ANKRD16: variants seen among roughly 807,000 people sequenced by gnomAD.
The protein encoded by ANKRD16 is ankyrin repeat domain 16.
ANKRD16 carries 35 observed loss-of-function variants against 37.9 expected under a neutral mutation model. The ratio of observed to expected loss-of-function variants is 0.92; its 90% CI spans 0.71 to 1.23. The LOEUF (loss-of-function observed/expected upper bound fraction) is 1.23. Ranked by LOEUF, ANKRD16 falls within the 50% of genes most tolerant of loss-of-function variation. The pLI, the probability that ANKRD16 is intolerant of heterozygous loss-of-function variation, is 0.00. For missense variants in ANKRD16, 480 were observed against 469.9 expected (o/e 1.02, Z -0.20); for synonymous variants, 206 against 197.2 (o/e 1.04, Z -0.37).
chr10:5,880,173 A>G, intron 6 of ANKRD16, 125 bp downstream of exon 6: 1 of 351,988 alleles, frequency 2.8e-6, no homozygotes, highest in South Asian at 4.2e-5. Context: ...CACCACCACC[A>G]CTAAAAAAAA....
Position 5,887,848 on chromosome 10 carries a change from T to C in ANKRD16, c.534A>G (p.Ala178=), listed in dbSNP as rs1228039383. ...SKIRRTPLHT[A]AMHGHLEAVK... Reference sequence around the variant, plus strand: ...CACCTGCAGAGCTGTAGGCTGTACCTGCAGTATGCAGAGGAGTCCTTCTAA... The same window carrying C: ...CACCTGCAGAGCTGTAGGCTGTACCCGCAGTATGCAGAGGAGTCCTTCTAA... The change falls in exon 2 of 8, where the codon GCA becomes GCG. Residue 178 remains alanine (A), a splice_region_variant and synonymous_variant. Coordinates refer to ENST00000380094, the MANE Select transcript of ANKRD16 (RefSeq NM_019046.3). The C allele has an allele frequency of 1.2e-6, 2 of 1,612,608 alleles. No individual in the cohort carries two copies. Among genetic ancestry groups the C allele is most frequent in the Non-Finnish European group, 1.7e-6 (2 of 1,179,664 alleles).
intron 6 of ANKRD16, 31 bp downstream of exon 6, chr10:5,880,267 T>C (rs1244679950): frequency 4.7e-6 from 6 of 1,275,260 alleles, no homozygotes; most frequent in Non-Finnish European, 6.6e-6. Flanking sequence ...AGTTTACTAA[T>C]TTCCAAGGCA....
chr10:5,885,250 G>A (rs2131778809), intron 3 of ANKRD16, among the ~76,000 whole-genome samples: 2 of 151,916 alleles, frequency 1.3e-5, no homozygotes, highest in African/African-American at 2.4e-5. Context: ...GCGCGATCTC[G>A]GCTCACTGCA....
rs1841982537 is a variant in ANKRD16, at chr10:5,864,205, C to A, written c.*34-1514G>T. On this transcript the variant is annotated intron_variant, in intron 7 of 7. Coordinates refer to ENST00000380094, the MANE Select transcript of ANKRD16 (RefSeq NM_019046.3). This position sits in a 1 kb window ranked among gnomAD's most constrained non-coding sequence, Gnocchi z 4.4. ...ACTATGCAAAGCTTACAACTTACAT[C>A]CCACAGGAGGACTTCTCAGCTTACC... Among the ~76,000 whole-genome samples, 1 of 152,090 alleles carries A rather than the reference C, an allele frequency of 6.6e-6. No individual in the cohort carries two copies. The highest frequency in any genetic ancestry group is 2.1e-4 in the South Asian group (1 of 4,826).
chr10:5,866,896 A>G lies in ANKRD16; in HGVS notation c.*34-4205T>C, dbSNP rs1320775918. Among the ~76,000 whole-genome samples the G allele has an allele frequency of 6.6e-6, 1 of 152,150 alleles. No homozygotes were observed. The highest frequency in any genetic ancestry group is 1.5e-5 in the Non-Finnish European group (1 of 68,006). ...GAAGGAGAGAGAGGAAGAGACAGAC[A>G]AAGAAGAGTCAGAGAGAGAGAAACA... is the stretch of plus-strand genomic sequence containing the variant. On this transcript the variant is annotated intron_variant, in intron 7 of 7. Coordinates refer to ENST00000380094, the MANE Select transcript of ANKRD16 (RefSeq NM_019046.3). The surrounding 1 kb of genome is among the most constrained non-coding windows in gnomAD (Gnocchi z 4.3).
At position 5,889,342 on chromosome 10, in the gene ANKRD16, C is replaced by G; in HGVS notation, c.13G>C (p.Gly5Arg). The G allele has an allele frequency of 1.6e-6, 2 of 1,238,596 alleles. No individual in the cohort carries two copies. The highest frequency in any genetic ancestry group is 2.0e-6 in the Non-Finnish European group (2 of 993,902). The allele number at this position is 1,238,596 out of a possible 1,614,324, so 76.7% of individuals were successfully genotyped here. MAQPGDPRRLCRLVQ... is the reference protein window; with the variant it reads MAQPRDPRRLCRLVQ... Reference sequence around the variant, plus strand: ...AGCCTGCAGAGGCGCCGCGGGTCCCCGGGCTGGGCCATCGCCGCGGGTCGG... The same window carrying G: ...AGCCTGCAGAGGCGCCGCGGGTCCCGGGGCTGGGCCATCGCCGCGGGTCGG... The change falls in exon 1 of 8, where the codon GGG (glycine) becomes CGG (arginine). Residue 5 changes from glycine (G) to arginine (R), a missense_variant. Transcript: ENST00000380094.
intron 7 of ANKRD16, among the ~76,000 whole-genome samples, chr10:5,876,175 C>T (rs1015301668): frequency 3.3e-5 from 5 of 152,330 alleles, no homozygotes; most frequent in East Asian, 1.9e-4. Flanking sequence ...TGAGCCACCG[C>T]GCCCAGCCCA....
intron 7 of ANKRD16, among the ~76,000 whole-genome samples, chr10:5,867,873 C>T (rs941361170): frequency 1.3e-5 from 2 of 152,168 alleles, no homozygotes; most frequent in East Asian, 1.9e-4. Context: ...TTGGCAGCAG[C>T]GACTCTCCAA....
chr10:5,883,654 G>A (rs889788152), intron 4 of ANKRD16, among the ~76,000 whole-genome samples: 6 of 152,228 alleles, frequency 3.9e-5, no homozygotes, highest in Non-Finnish European at 5.9e-5. Flanking sequence ...AGGCTATGGT[G>A]CCAAAAGCAC....
intron 3 of ANKRD16, 110 bp from the exon 4 acceptor site, chr10:5,884,187 G>A: frequency 1.3e-6 from 1 of 762,146 alleles, no homozygotes; most frequent in Admixed American, 2.2e-5. Context: ...AATGACCTGT[G>A]AGCATGGAGC....
intron 5 of ANKRD16, among the ~76,000 whole-genome samples, chr10:5,881,441 T>TAAAAA (rs1459236408): frequency 1.4e-3 from 30 of 21,282 alleles, no homozygotes; most frequent in African/African-American, 4.6e-3. Context: ...ATATTATTTA[T>TAAAAA]ATATATATAT....
At chr10:5,888,917 G>T in intron 1 of ANKRD16, 124 bp downstream of exon 1, 1 of 1,114,726 alleles carries the variant, frequency 9.0e-7, no homozygotes, top group Non-Finnish European at 1.2e-6. Context: ...CCGCTGAGCA[G>T]GCCTGGGGTG....
intron 3 of ANKRD16, among the ~76,000 whole-genome samples, chr10:5,885,350 T>C (rs1489858375): frequency 6.6e-6 from 1 of 152,122 alleles, no homozygotes; most frequent in Non-Finnish European, 1.5e-5. Context: ...CCGGCTAATT[T>C]TTTTTGAATT....
chr10:5,887,205 C>T (rs746710996), intron 2 of ANKRD16, among the ~76,000 whole-genome samples: 17 of 152,194 alleles, frequency 1.1e-4, no homozygotes, highest in Non-Finnish European at 2.1e-4. Flanking sequence ...AAGAGAGAGA[C>T]TAATTTCCTT....
Position 5,889,884 on chromosome 10 carries a change from G to A in ANKRD16, c.-530C>T, listed in dbSNP as rs1031959319. 6 of 161,724 alleles carry A rather than the reference G, an allele frequency of 3.7e-5. No individual in the cohort carries two copies. The highest frequency in any genetic ancestry group is 9.5e-5 in the African/African-American group (4 of 41,996). The allele number at this position is 161,724 out of a possible 1,614,324, so 10.0% of individuals were successfully genotyped here. A position where few individuals can be genotyped will look rare whatever the true frequency, so the allele number is the denominator to read the frequency against. On this transcript the variant is annotated 5_prime_UTR_variant, in exon 1 of 8. Transcript: ENST00000380094. ...GTGACCTGCCCCGCACGCGTCCTCA[G>A]GGCCGCCCCAGCCTCCAGCCCCTGG...
chr10:5,884,924 G>C (rs888804590), intron 3 of ANKRD16, among the ~76,000 whole-genome samples: 1 of 152,072 alleles, frequency 6.6e-6, no homozygotes, highest in Non-Finnish European at 1.5e-5. Context: ...CTTGCCTCCC[G>C]CTTTCAGCTA....
intron 5 of ANKRD16, among the ~76,000 whole-genome samples, chr10:5,882,167 C>A (rs550322166): frequency 6.6e-6 from 1 of 152,298 alleles, no homozygotes; most frequent in East Asian, 1.9e-4. Flanking sequence ...CCTATGGGAG[C>A]ACCCTGCGGC....
Position 5,878,079 on chromosome 10 carries a change from A to C in ANKRD16, c.*33+18T>G, listed in dbSNP as rs1589019781. ...TCGCTGAATCTGTGACTGACTTAAGAAGCAGGATATGAATTACCATGCACT... is the reference window on the plus strand; with the variant it reads ...TCGCTGAATCTGTGACTGACTTAAGCAGCAGGATATGAATTACCATGCACT... On this transcript the variant is annotated intron_variant, in intron 7 of 7. Transcript: ENST00000380094. This position sits in a 1 kb window ranked among gnomAD's most constrained non-coding sequence, Gnocchi z 5.1. 6.4e-7 allele frequency: 1 copy of C among 1,572,848 alleles called. No individual in the cohort carries two copies.
chr10:5,885,345 T>C lies in ANKRD16; in HGVS notation c.578+378A>G, dbSNP rs555775840. Among the ~76,000 whole-genome samples the C allele has an allele frequency of 9.9e-5, 15 of 152,254 alleles. No individual in the cohort carries two copies. The East Asian group carries it at 2.9e-3, about 29-fold the overall frequency. The stretch of plus-strand genomic sequence containing the variant: ...ACAGGCGCCCGCCACCACGCCCGGC[T>C]AATTTTTTTTGAATTTTTAGTAGAG... On this transcript the variant is annotated intron_variant, in intron 3 of 7. Transcript: ENST00000380094.
Sources: allele counts gnomAD v4.1 joint callset (sites outside exome capture counted in the v4.1 genomes callset), GRCh38; gene constraint gnomAD v4.1.1; non-coding constraint Gnocchi (gnomAD v3.1); transcripts MANE v1.5; gene names NCBI Gene and HGNC (gene_info 2026-07-23, HGNC 2026-07-21).